The following ZSWIM6 variants were observed in gnomAD, a reference collection of about 807,000 sequenced individuals.
The protein encoded by ZSWIM6 is zinc finger SWIM domain-containing protein 6.
In ZSWIM6, 9 loss-of-function variants were observed where a neutral mutation model predicts 113.2. The ratio of observed to expected loss-of-function variants is 0.08; its 90% CI spans 0.05 to 0.14. The LOEUF is 0.14. Among genes scored for constraint, ZSWIM6 ranks in the 10% least tolerant of loss-of-function variants. The pLI is 1.00. For missense variants in ZSWIM6, 1,162 were observed against 1,552.2 expected (o/e 0.75, Z 4.22); for synonymous variants, 611 against 606.5 (o/e 1.01, Z -0.11).
chr5:61,440,848 A>C (rs1297162042), intron 1 of ZSWIM6, among the ~76,000 whole-genome samples: 3 of 151,114 alleles, frequency 2.0e-5, no homozygotes, highest in Non-Finnish European at 4.5e-5. Context: ...AAAGATGAAT[A>C]AAACAGCTTA....
At chr5:61,398,182 A>C (rs921220389) in intron 1 of ZSWIM6, among the ~76,000 whole-genome samples, 4 of 152,086 alleles carry the variant, frequency 2.6e-5, no homozygotes, top group Non-Finnish European at 4.4e-5. Flanking sequence ...GCGTTCTAGG[A>C]ACTGGGCCAC....
chr5:61,424,293 A>G (rs2112128047), intron 1 of ZSWIM6, among the ~76,000 whole-genome samples: 1 of 152,360 alleles, frequency 6.6e-6, no homozygotes, highest in South Asian at 2.1e-4. Flanking sequence ...GGGATTAGAT[A>G]TAAGGTACAG....
chr5:61,463,040 A>G (rs1041679204), intron 1 of ZSWIM6, among the ~76,000 whole-genome samples: 2 of 152,174 alleles, frequency 1.3e-5, no homozygotes, highest in Non-Finnish European at 2.9e-5. Context: ...ATTGCTTCTA[A>G]TATACAAGTA....
chr5:61,541,863 T>G, intron 12 of ZSWIM6, 21 bp from the exon 13 acceptor site: 1 of 1,543,956 alleles, frequency 6.5e-7, no homozygotes, highest in South Asian at 1.2e-5. Flanking sequence ...TCTAAAACAT[T>G]TTGTTACCCT....
At chr5:61,539,546 C>CTTGCT in intron 11 of ZSWIM6, 50 bp from the exon 12 acceptor site, 1 of 1,510,608 alleles carries the variant, frequency 6.6e-7, no homozygotes, top group Non-Finnish European at 8.9e-7. Flanking sequence ...ATTTGTTTGT[C>CTTGCT]TTGCTTTGCT....
chr5:61,516,729 AT>A (rs1748955228), intron 4 of ZSWIM6, among the ~76,000 whole-genome samples: 2 of 151,798 alleles, frequency 1.3e-5, no homozygotes, highest in African/African-American at 4.8e-5. Flanking sequence ...TTACTGAGAT[AT>A]TTTATCATTT....
chr5:61,518,403 C>A (rs1749019333), intron 4 of ZSWIM6, among the ~76,000 whole-genome samples: 1 of 150,644 alleles, frequency 6.6e-6, no homozygotes. Flanking sequence ...ACAGTCCCAC[C>A]AACAGTGTAA....
intron 1 of ZSWIM6, among the ~76,000 whole-genome samples, chr5:61,356,823 A>T (rs1359674178): frequency 1.4e-5 from 2 of 143,692 alleles, no homozygotes; most frequent in South Asian, 4.2e-4. Context: ...ATAAATAAAA[A>T]ATATATATTT....
At chr5:61,407,615 AAACAT>A (rs1196914960) in intron 1 of ZSWIM6, among the ~76,000 whole-genome samples, 1 of 152,200 alleles carries the variant, frequency 6.6e-6, no homozygotes, top group Non-Finnish European at 1.5e-5. Flanking sequence ...GCTTTTCGAA[AAACAT>A]AAGCTCCTAC....
intron 5 of ZSWIM6, 88 bp from the exon 6 acceptor site, chr5:61,525,712 C>A: frequency 6.9e-7 from 1 of 1,459,764 alleles, no homozygotes; most frequent in South Asian, 1.3e-5. Flanking sequence ...TGGGTGTGTT[C>A]ATGAACATCT....
At chr5:61,537,511 A>C (rs949588663) in intron 10 of ZSWIM6, among the ~76,000 whole-genome samples, 15 of 152,078 alleles carry the variant, frequency 9.9e-5, no homozygotes, top group Non-Finnish European at 2.2e-4. Flanking sequence ...AGTTTCTTCT[A>C]CAGTAAGTCT....
At chr5:61,396,762 T>C (rs1419373569) in intron 1 of ZSWIM6, among the ~76,000 whole-genome samples, 1 of 152,178 alleles carries the variant, frequency 6.6e-6, no homozygotes, top group African/African-American at 2.4e-5. Flanking sequence ...TAAAATTAAG[T>C]TTTTGGTTAA....
intron 1 of ZSWIM6, among the ~76,000 whole-genome samples, chr5:61,420,566 C>T: frequency 6.6e-6 from 1 of 151,942 alleles, no homozygotes; most frequent in Admixed American, 6.6e-5. Context: ...GACTAAGTAG[C>T]AGTAGAACAG....
At chr5:61,457,369 A>T (rs1286960611) in intron 1 of ZSWIM6, among the ~76,000 whole-genome samples, 1 of 152,194 alleles carries the variant, frequency 6.6e-6, no homozygotes, top group East Asian at 1.9e-4. Flanking sequence ...CATATATTTC[A>T]GTTCTCAGGC....
chr5:61,431,463 T>C (rs1579993029), intron 1 of ZSWIM6, among the ~76,000 whole-genome samples: 1 of 148,896 alleles, frequency 6.7e-6, no homozygotes, highest in African/African-American at 2.5e-5. Context: ...GTTTGACTAC[T>C]GGCTGGGCGC....
At chr5:61,416,851 T>C (rs146607757) in intron 1 of ZSWIM6, among the ~76,000 whole-genome samples, 132 of 152,296 alleles carry the variant, frequency 8.7e-4, no homozygotes, top group Middle Eastern at 3.4e-3. Flanking sequence ...AAATAGTGCA[T>C]AAGGCCGGGC....
chr5:61,350,859 T>C lies in ZSWIM6; in HGVS notation c.676+17911T>C, dbSNP rs1346548273. Among the ~76,000 whole-genome samples, 5 of 152,176 alleles carry C rather than the reference T, an allele frequency of 3.3e-5. 1 individual carries two copies. ...CTCTGTCGTAAGGCTGCTAAGAGGC[T>C]CACATGGGAATACATGAAAGTATTT... On this transcript the variant is annotated intron_variant, in intron 1 of 13. Coordinates refer to ENST00000252744, the MANE Select transcript of ZSWIM6 (RefSeq NM_020928.2).
intron 1 of ZSWIM6, among the ~76,000 whole-genome samples, chr5:61,389,955 C>T (rs1210054891): frequency 1.3e-5 from 2 of 152,198 alleles, no homozygotes; most frequent in South Asian, 2.1e-4. Flanking sequence ...GTAATGAGAA[C>T]GTGTCATTAA....
intron 1 of ZSWIM6, among the ~76,000 whole-genome samples, chr5:61,401,655 C>G (rs1466327902): frequency 6.6e-6 from 1 of 152,102 alleles, no homozygotes; most frequent in Non-Finnish European, 1.5e-5. Flanking sequence ...CATAAATTAT[C>G]TGTCTAAAGA....
Sources: gnomAD v4.1 joint callset for allele counts (sites outside exome capture counted in the v4.1 genomes callset) on GRCh38, gnomAD v4.1.1 for gene constraint, MANE v1.5 for transcripts, NCBI Gene and HGNC (gene_info 2026-07-23, HGNC 2026-07-21) for gene names.